CADM2: variants seen among roughly 807,000 people sequenced by gnomAD.
CADM2 encodes the protein cell adhesion molecule 2.
Under a neutral mutation model 49.8 loss-of-function variants are expected in CADM2, and 12 were observed. The observed-to-expected ratio is 0.24, with a 90% CI of 0.15 to 0.39. The LOEUF (loss-of-function observed/expected upper bound fraction) is 0.39. Ranked by LOEUF, CADM2 falls within the 10% of genes least tolerant of loss-of-function variation. The pLI, the probability that CADM2 is intolerant of heterozygous loss-of-function variation, is 1.00. For missense variants in CADM2, 378 were observed against 492.3 expected (o/e 0.77, Z 2.20); for synonymous variants, 214 against 175.4 (o/e 1.22, Z -1.74).
At chr3:85,547,280 T>C (rs1260750234) in intron 1 of CADM2, among the ~76,000 whole-genome samples, 1 of 152,172 alleles carries the variant, frequency 6.6e-6, no homozygotes, top group African/African-American at 2.4e-5. Flanking sequence ...AATTTGGGCA[T>C]GGCGATTTCA....
At chr3:85,105,966 G>A (rs2038207394) in intron 1 of CADM2, among the ~76,000 whole-genome samples, 1 of 151,980 alleles carries the variant, frequency 6.6e-6, no homozygotes, top group Non-Finnish European at 1.5e-5. Context: ...ACGGGGGAAG[G>A]ATAGCTTTAG....
intron 8 of CADM2, among the ~76,000 whole-genome samples, chr3:86,008,951 A>G (rs757453896): frequency 4.0e-5 from 6 of 151,462 alleles, no homozygotes; most frequent in Non-Finnish European, 7.4e-5. Context: ...TTTTTCTATG[A>G]GAAAATAAAA....
intron 1 of CADM2, among the ~76,000 whole-genome samples, chr3:85,451,401 A>C (rs2107568402): frequency 6.6e-6 from 1 of 152,208 alleles, no homozygotes; most frequent in South Asian, 2.1e-4. Flanking sequence ...CCTTTTCGTA[A>C]CCATTCATAG....
intron 3 of CADM2, among the ~76,000 whole-genome samples, chr3:85,807,723 T>G (rs1446139766): frequency 6.6e-6 from 1 of 152,102 alleles, no homozygotes; most frequent in Non-Finnish European, 1.5e-5. Context: ...TATCCTCCCA[T>G]GCCCAGCACT....
At chr3:85,626,907 A>AT (rs2064146311) in intron 1 of CADM2, among the ~76,000 whole-genome samples, 1 of 152,032 alleles carries the variant, frequency 6.6e-6, no homozygotes, top group African/African-American at 2.4e-5. Context: ...CTGTGGATGA[A>AT]TACTTAACCG....
At chr3:85,959,963 T>C (rs1724613189) in intron 7 of CADM2, among the ~76,000 whole-genome samples, 1 of 151,914 alleles carries the variant, frequency 6.6e-6, no homozygotes, top group Non-Finnish European at 1.5e-5. Context: ...AGGAGTTTCT[T>C]GCCAGGAAAC....
At chr3:85,385,618 T>C (rs1278941536) in intron 1 of CADM2, 5 of 152,050 alleles carry the variant, frequency 3.3e-5, no homozygotes, top group African/African-American at 1.2e-4. Flanking sequence ...TTTATTTGAG[T>C]GATCCCTATT....
chr3:84,970,915 G>A (rs1025708664), intron 1 of CADM2, among the ~76,000 whole-genome samples: 25 of 151,896 alleles, frequency 1.6e-4, no homozygotes, highest in Admixed American at 3.3e-4. Flanking sequence ...GGCAATTTTT[G>A]TTGACTATTT....
At chr3:85,550,542 T>C (rs1417450558) in intron 1 of CADM2, among the ~76,000 whole-genome samples, 2 of 152,170 alleles carry the variant, frequency 1.3e-5, no homozygotes, top group African/African-American at 4.8e-5. Flanking sequence ...ACTCTCAAGT[T>C]TGGGAATAAC....
At position 86,069,451 on chromosome 3, in the gene CADM2, A is replaced by G. The variant is rs1739648658; in HGVS notation, c.*2668A>G. The stretch of plus-strand genomic sequence containing the variant: ...GAGACACCATGTTCTGAACTGGAGA[A>G]AACAATATCAATGAAGTCATATTTT... On this transcript the variant is annotated 3_prime_UTR_variant, in exon 10 of 10. Transcript: ENST00000383699. 1 of 152,038 alleles carries G rather than the reference A, an allele frequency of 6.6e-6. No homozygotes were observed. Among genetic ancestry groups the G allele is most frequent in the African/African-American group, 2.4e-5 (1 of 41,446 alleles). The allele number at this position is 152,038 out of a possible 1,614,324, so 9.4% of individuals were successfully genotyped here.
intron 1 of CADM2, among the ~76,000 whole-genome samples, chr3:85,088,438 T>C (rs1299632102): frequency 2.0e-5 from 3 of 152,098 alleles, no homozygotes; most frequent in South Asian, 2.1e-4. Flanking sequence ...ATGCAACTCT[T>C]TTAAAACCCT....
At chr3:85,144,227 A>C (rs958258262) in intron 1 of CADM2, among the ~76,000 whole-genome samples, 16 of 136,948 alleles carry the variant, frequency 1.2e-4, no homozygotes, top group Non-Finnish European at 2.0e-4. Flanking sequence ...TCACCATCTA[A>C]AGTATTTTGT....
At chr3:85,820,311 T>C (rs897098994) in intron 3 of CADM2, among the ~76,000 whole-genome samples, 2 of 152,124 alleles carry the variant, frequency 1.3e-5, no homozygotes, top group Non-Finnish European at 2.9e-5. Context: ...TATAAACATT[T>C]TCACAGTAAC....
At chr3:85,971,243 A>G (rs924513737) in intron 8 of CADM2, among the ~76,000 whole-genome samples, 2 of 151,622 alleles carry the variant, frequency 1.3e-5, no homozygotes, top group Non-Finnish European at 3.0e-5. Context: ...TCCTGACGTC[A>G]TGTGCAAACG....
intron 1 of CADM2, among the ~76,000 whole-genome samples, chr3:85,411,877 A>T (rs772105840): frequency 4.6e-5 from 7 of 152,110 alleles, no homozygotes; most frequent in Middle Eastern, 3.4e-3. Flanking sequence ...TCAATCTTTC[A>T]CCCAAGCTGG....
At chr3:85,104,415 T>C (rs2038132026) in intron 1 of CADM2, among the ~76,000 whole-genome samples, 1 of 152,162 alleles carries the variant, frequency 6.6e-6, no homozygotes, top group Non-Finnish European at 1.5e-5. Flanking sequence ...ATATCTCTGT[T>C]TTGGTACCAG....
At chr3:85,461,935 C>A (rs1484297781) in intron 1 of CADM2, among the ~76,000 whole-genome samples, 1 of 151,992 alleles carries the variant, frequency 6.6e-6, no homozygotes, top group African/African-American at 2.4e-5. Flanking sequence ...ATCAGGGGTC[C>A]GGACTTTCGC....
intron 2 of CADM2, 112 bp downstream of exon 2, chr3:85,726,660 T>A: frequency 1.5e-6 from 1 of 686,616 alleles, no homozygotes; most frequent in Non-Finnish European, 2.5e-6. Flanking sequence ...TATTTCAGTG[T>A]ATAGATATTG....
At chr3:85,913,291 A>G (rs1454449330) in intron 6 of CADM2, among the ~76,000 whole-genome samples, 1 of 152,098 alleles carries the variant, frequency 6.6e-6, no homozygotes, top group African/African-American at 2.4e-5. Flanking sequence ...ATACTAATCA[A>G]AATGAAAATG....
Sources: allele counts gnomAD v4.1 joint callset (sites outside exome capture counted in the v4.1 genomes callset), GRCh38; gene constraint gnomAD v4.1.1; transcripts MANE v1.5; gene names NCBI Gene and HGNC (gene_info 2026-07-23, HGNC 2026-07-21).